Variants in LRRK2 observed in about 807,000 individuals in gnomAD.
LRRK2 encodes leucine-rich repeat serine/threonine-protein kinase 2.
Under a neutral mutation model 302.6 loss-of-function variants are expected in LRRK2, and 203 were observed. The observed-to-expected ratio is 0.67, with a 90% CI of 0.60 to 0.75. The LOEUF is 0.75. LRRK2 is among the 30% of genes least tolerant of loss of function. LRRK2 has a pLI of 0.00. For synonymous variants in LRRK2, 1,066 were observed against 1,031.9 expected (o/e 1.03, Z -0.63); for missense variants, 2,830 against 2,951.0 (o/e 0.96, Z 0.95).
At chr12:40,288,744 G>A (rs17519895) in intron 20 of LRRK2, among the ~76,000 whole-genome samples, 30 of 151,940 alleles carry the variant, frequency 2.0e-4, no homozygotes, top group African/African-American at 6.7e-4. Flanking sequence ...TGTGTGAAGT[G>A]TTGAAGTATT....
intron 42 of LRRK2, among the ~76,000 whole-genome samples, chr12:40,347,928 G>A (rs1373173405): frequency 6.7e-6 from 1 of 149,902 alleles, no homozygotes; most frequent in Non-Finnish European, 1.5e-5. Context: ...CTGCACTCCA[G>A]CCTAAGCAAC....
intron 18 of LRRK2, among the ~76,000 whole-genome samples, chr12:40,282,670 A>G (rs1335157989): frequency 6.6e-6 from 1 of 152,168 alleles, no homozygotes; most frequent in Non-Finnish European, 1.5e-5. Flanking sequence ...ACTTGATCAG[A>G]GCTCTGTAGT....
At chr12:40,231,587 AAAAAAC>A in intron 2 of LRRK2, among the ~76,000 whole-genome samples, 1 of 148,244 alleles carries the variant, frequency 6.7e-6, no homozygotes, top group African/African-American at 2.5e-5. Flanking sequence ...AAAAAAAAAA[AAAAAAC>A]AAGAAAAAAA....
intron 2 of LRRK2, among the ~76,000 whole-genome samples, chr12:40,230,860 T>C (rs1351837498): frequency 6.6e-6 from 1 of 152,104 alleles, no homozygotes; most frequent in African/African-American, 2.4e-5. Context: ...TGGCATCTTG[T>C]AAACAGACTG....
chr12:40,323,191 G>C lies in LRRK2; in HGVS notation c.5541G>C (p.Arg1847Ser). 1 of 1,613,158 alleles carries C rather than the reference G, an allele frequency of 6.2e-7. No individual in the cohort carries two copies. The highest frequency in any genetic ancestry group is 8.5e-7 in the Non-Finnish European group (1 of 1,179,410). The stretch of plus-strand genomic sequence containing the variant: ...TCTTAGTAAATCCAGATCAACCAAG[G>C]CTCACCATTCCAATATCTCAGATTG... Reference protein sequence around the residue: ...GDLLVNPDQPRLTIPISQIAP... With the variant: ...GDLLVNPDQPSLTIPISQIAP... The change falls in exon 38 of 51, where the codon AGG becomes AGC. Residue 1847 changes from arginine (R) to serine (S), a missense_variant. Physicochemically the swap from Arg to Ser is moderately radical, Grantham distance 110. This residue lies in a region of LRRK2 where 2,121 missense variants were observed against 2,148.0 expected (regional missense o/e 0.99). Transcript: ENST00000298910.
intron 50 of LRRK2, 87 bp from the exon 51 acceptor site, chr12:40,367,557 C>A: frequency 7.4e-7 from 1 of 1,359,170 alleles, no homozygotes. Context: ...TCTAAGTCAA[C>A]TAAAAATACA....
intron 5 of LRRK2, among the ~76,000 whole-genome samples, chr12:40,238,802 C>G (rs1013718724): frequency 2.0e-5 from 3 of 152,182 alleles, no homozygotes; most frequent in Non-Finnish European, 4.4e-5. Context: ...GTTTACCAGT[C>G]TAATTTCTTG....
chr12:40,225,003 C>T lies in LRRK2; in HGVS notation c.-129C>T. On this transcript the variant is annotated 5_prime_UTR_variant, in exon 1 of 51. Transcript: ENST00000298910. The stretch of plus-strand genomic sequence containing the variant: ...GGCGGGCGTGGGCGCCGATGGGGCC[C>T]GCGGGGAGCGCTGGCTGCGGGCGGT... The T allele has an allele frequency of 7.1e-6, 9 of 1,264,548 alleles. No individual in the cohort carries two copies. Among genetic ancestry groups the T allele is most frequent in the Admixed American group, 2.0e-5 (1 of 49,716 alleles). 78.3% of individuals were successfully genotyped at this position (1,264,548 alleles called of 1,614,324 possible). A position where few individuals can be genotyped will look rare whatever the true frequency, so the allele number is the denominator to read the frequency against.
At chr12:40,322,619 A>G (rs1945437817) in intron 37 of LRRK2, 109 bp downstream of exon 37, 1 of 949,714 alleles carries the variant, frequency 1.1e-6, no homozygotes, top group Non-Finnish European at 1.6e-6. Flanking sequence ...GTTGAAAAAT[A>G]GTATATTCAA....
intron 39 of LRRK2, among the ~76,000 whole-genome samples, chr12:40,329,676 A>T (rs1338641097): frequency 6.6e-6 from 1 of 152,092 alleles, no homozygotes; most frequent in African/African-American, 2.4e-5. Flanking sequence ...ATTGTTATGT[A>T]TTTATCATCA....
intron 39 of LRRK2, among the ~76,000 whole-genome samples, chr12:40,331,219 A>G (rs1246056618): frequency 1.3e-5 from 2 of 152,236 alleles, no homozygotes; most frequent in Admixed American, 6.5e-5. Flanking sequence ...AAAGGTAACT[A>G]GAATGGGCAT....
At chr12:40,274,294 A>G (rs1339440705) in intron 14 of LRRK2, among the ~76,000 whole-genome samples, 1 of 152,174 alleles carries the variant, frequency 6.6e-6, no homozygotes, top group African/African-American at 2.4e-5. Context: ...CAGTGAATTC[A>G]TCTTCTAATG....
At chr12:40,251,405 A>C (rs753788515) in intron 9 of LRRK2, 31 bp downstream of exon 9, 1 of 1,613,602 alleles carries the variant, frequency 6.2e-7, no homozygotes, top group Non-Finnish European at 8.5e-7. Flanking sequence ...AGAGTTATTC[A>C]AAATTATGTT....
At chr12:40,316,012 G>C (rs1039301087) in intron 33 of LRRK2, among the ~76,000 whole-genome samples, 2 of 151,932 alleles carry the variant, frequency 1.3e-5, no homozygotes, top group Non-Finnish European at 2.9e-5. Flanking sequence ...TATTCGAGAC[G>C]TAAGTAGTAT....
At chr12:40,366,935 C>T in intron 49 of LRRK2, 71 bp from the exon 50 acceptor site, 1 of 1,152,852 alleles carries the variant, frequency 8.7e-7, no homozygotes. Context: ...CTATGAACAA[C>T]TTTACTTTTT....
intron 20 of LRRK2, among the ~76,000 whole-genome samples, chr12:40,291,290 G>A (rs1383490464): frequency 6.6e-6 from 1 of 151,310 alleles, no homozygotes; most frequent in South Asian, 2.1e-4. Flanking sequence ...GGGGTGGGGG[G>A]AAGGGGGAGG....
Position 40,322,194 on chromosome 12 carries a change from A to T in LRRK2, c.5317+13A>T, listed in dbSNP as rs1945422362. On this transcript the variant is annotated intron_variant, in intron 36 of 50. Transcript: ENST00000298910. ...TCTTGTAGAAAAGGTAAGGAAATCA[A>T]TTTGAATGTTTTCAATTGCAACACT... is the stretch of plus-strand genomic sequence containing the variant. The T allele has an allele frequency of 6.2e-7, 1 of 1,606,660 alleles. No individual in the cohort carries two copies. Among genetic ancestry groups the T allele is most frequent in the Non-Finnish European group, 8.5e-7 (1 of 1,175,412 alleles).
intron 41 of LRRK2, among the ~76,000 whole-genome samples, chr12:40,346,346 C>A (rs1451478558): frequency 6.6e-6 from 1 of 152,040 alleles, no homozygotes; most frequent in Admixed American, 6.6e-5. Flanking sequence ...ACTCATCTCT[C>A]CTGTTTTTAA....
At chr12:40,350,519 A>G (rs1946318987) in intron 43 of LRRK2, among the ~76,000 whole-genome samples, 1 of 152,088 alleles carries the variant, frequency 6.6e-6, no homozygotes, top group African/African-American at 2.4e-5. Flanking sequence ...CTGAAAGAGA[A>G]CTCTTGTCAT....
Sources: allele counts gnomAD v4.1 joint callset (sites outside exome capture counted in the v4.1 genomes callset), GRCh38; gene constraint gnomAD v4.1.1; regional missense constraint gnomAD v4.1.1; transcripts MANE v1.5; gene names NCBI Gene and HGNC (gene_info 2026-07-23, HGNC 2026-07-21).